The following CDK6 variants were observed in gnomAD, a reference collection of about 807,000 sequenced individuals.
CDK6 encodes cyclin-dependent kinase 6.
A neutral mutation model predicts 37.1 loss-of-function variants in CDK6; 6 were observed. That is an observed-to-expected ratio of 0.16 (90% confidence interval 0.09 to 0.32). The LOEUF is 0.32. Ranked by LOEUF, CDK6 falls within the 10% of genes least tolerant of loss-of-function variation. The pLI is 1.00. For synonymous variants in CDK6, 160 were observed against 161.3 expected (o/e 0.99, Z 0.06); for missense variants, 224 against 418.9 (o/e 0.53, Z 4.06).
At chr7:92,823,160 CAA>C (rs1401429272) in intron 2 of CDK6, among the ~76,000 whole-genome samples, 2 of 151,012 alleles carry the variant, frequency 1.3e-5, no homozygotes, top group East Asian at 3.9e-4. Context: ...TGACTCATCT[CAA>C]AAGTCTAGTT....
intron 2 of CDK6, among the ~76,000 whole-genome samples, chr7:92,808,304 G>T (rs912468491): frequency 6.6e-6 from 1 of 152,190 alleles, no homozygotes; most frequent in Non-Finnish European, 1.5e-5. Flanking sequence ...CCAATTCTCA[G>T]ATTTCTATAG....
intron 5 of CDK6, among the ~76,000 whole-genome samples, chr7:92,639,551 C>T (rs2116531072): frequency 6.6e-6 from 1 of 152,330 alleles, no homozygotes; most frequent in South Asian, 2.1e-4. Flanking sequence ...TCTTAGGCAC[C>T]ACCATGCTGC....
chr7:92,721,706 T>C (rs1798368393), intron 4 of CDK6, among the ~76,000 whole-genome samples: 1 of 152,154 alleles, frequency 6.6e-6, no homozygotes, highest in Non-Finnish European at 1.5e-5. Context: ...AGATAAGTCA[T>C]TCAGCCCGAT....
In CDK6 at chr7:92,667,552, GTT is replaced by G. The variant is rs112532643; in HGVS notation, c.647+3872_647+3873del. On this transcript the variant is annotated intron_variant, in intron 5 of 7. Coordinates refer to ENST00000424848, the MANE Select transcript of CDK6 (RefSeq NM_001145306.2). ...ATCAAAAAGTTAAAAAATTTAAAAA[GTT>G]TTTTTTTTTTTTTGAGACAGGGCCT... 5.4e-3 allele frequency among the ~76,000 whole-genome samples: 760 copies of G among 141,462 alleles called. 11 individuals carry two copies. The highest frequency in any genetic ancestry group is 0.016 in the African/African-American group (635 of 38,542). 92.8% of individuals were successfully genotyped at this position (141,462 alleles called of 152,430 possible). A position where few individuals can be genotyped will look rare whatever the true frequency, so the allele number is the denominator to read the frequency against.
chr7:92,832,963 C>G, intron 2 of CDK6, 128 bp downstream of exon 2: 1 of 667,412 alleles, frequency 1.5e-6, no homozygotes, highest in South Asian at 1.8e-5. Flanking sequence ...CTCTGTAAGA[C>G]CAACAGGTCG....
intron 3 of CDK6, among the ~76,000 whole-genome samples, chr7:92,748,909 A>C (rs868269541): frequency 6.6e-6 from 1 of 152,150 alleles, no homozygotes; most frequent in Admixed American, 6.5e-5. Flanking sequence ...ACATGCCTGA[A>C]ATCCCAACAC....
chr7:92,642,835 G>A (rs896074829), intron 5 of CDK6, among the ~76,000 whole-genome samples: 4 of 151,238 alleles, frequency 2.6e-5, no homozygotes, highest in African/African-American at 4.9e-5. Context: ...TCACTACATC[G>A]CATCGTTTGG....
At chr7:92,632,677 A>G (rs945205800) in intron 5 of CDK6, among the ~76,000 whole-genome samples, 6 of 152,174 alleles carry the variant, frequency 3.9e-5, no homozygotes, top group African/African-American at 1.2e-4. Flanking sequence ...ATGATTCATC[A>G]TGGGTACTGT....
chr7:92,767,934 T>C (rs1342384245), intron 3 of CDK6, among the ~76,000 whole-genome samples: 1 of 152,178 alleles, frequency 6.6e-6, no homozygotes, highest in East Asian at 1.9e-4. Flanking sequence ...AACACCATAG[T>C]TAATATACTA....
chr7:92,663,101 G>A (rs1796874320), intron 5 of CDK6, among the ~76,000 whole-genome samples: 1 of 152,144 alleles, frequency 6.6e-6, no homozygotes, highest in Non-Finnish European at 1.5e-5. Context: ...ATGGGAAGAA[G>A]TAATAAACCA....
At chr7:92,687,665 A>C (rs1307475667) in intron 4 of CDK6, among the ~76,000 whole-genome samples, 1 of 152,182 alleles carries the variant, frequency 6.6e-6, no homozygotes, top group Non-Finnish European at 1.5e-5. Context: ...TAAGGCATTT[A>C]TTTATCTATT....
intron 2 of CDK6, among the ~76,000 whole-genome samples, chr7:92,805,321 T>C (rs1162417171): frequency 1.3e-5 from 2 of 152,126 alleles, no homozygotes; most frequent in African/African-American, 4.8e-5. Context: ...GCTTGTGAGG[T>C]AATTATATGT....
chr7:92,725,905 A>C, intron 3 of CDK6, 112 bp from the exon 4 acceptor site: 1 of 889,964 alleles, frequency 1.1e-6, no homozygotes, highest in Non-Finnish European at 1.7e-6. Context: ...TGCGGCAGGC[A>C]TTTGACAGGT....
At chr7:92,710,919 C>T (rs1275732127) in intron 4 of CDK6, 6 of 939,590 alleles carry the variant, frequency 6.4e-6, no homozygotes, top group East Asian at 1.2e-4. Context: ...ATGCTGGATG[C>T]TTTATTAGAG....
At chr7:92,727,447 AAGT>A (rs2116714213) in intron 3 of CDK6, among the ~76,000 whole-genome samples, 2 of 152,324 alleles carry the variant, frequency 1.3e-5, no homozygotes, top group African/African-American at 4.8e-5. Flanking sequence ...AAAGTGGAGA[AAGT>A]AGCGATTACT....
At position 92,611,932 on chromosome 7, in the gene CDK6, A is replaced by G. The variant is rs954877014; in HGVS notation, c.*3208T>C. ...TGAAATGGCCCCAAGCTTTCTTCCA[A>G]AACAGGTTCTTTGCACCTTGAGTTC... On this transcript the variant is annotated 3_prime_UTR_variant, in exon 8 of 8. Transcript: ENST00000424848. 4.3e-6 allele frequency: 1 copy of G among 232,762 alleles called. No individual in the cohort carries two copies. Among genetic ancestry groups the G allele is most frequent in the African/African-American group, 2.2e-5 (1 of 45,328 alleles). 14.4% of individuals were successfully genotyped at this position (232,762 alleles called of 1,614,324 possible).
chr7:92,697,701 T>C (rs1170969255), intron 4 of CDK6, among the ~76,000 whole-genome samples: 2 of 152,186 alleles, frequency 1.3e-5, no homozygotes, highest in African/African-American at 2.4e-5. Context: ...TACTATTTTA[T>C]TGGGGACTCC....
chr7:92,648,469 A>AC (rs1221590099), intron 5 of CDK6, among the ~76,000 whole-genome samples: 5 of 152,234 alleles, frequency 3.3e-5, no homozygotes, highest in Non-Finnish European at 7.3e-5. Flanking sequence ...GGTTGTATTC[A>AC]CCAGTCTTGA....
At chr7:92,830,944 C>T (rs915670243) in intron 2 of CDK6, among the ~76,000 whole-genome samples, 6 of 152,198 alleles carry the variant, frequency 3.9e-5, no homozygotes, top group African/African-American at 4.8e-5. Flanking sequence ...GAAGCTGCTC[C>T]ATGGCAAGAG....
Sources: gnomAD v4.1 joint callset for allele counts (sites outside exome capture counted in the v4.1 genomes callset) on GRCh38, gnomAD v4.1.1 for gene constraint, MANE v1.5 for transcripts, NCBI Gene and HGNC (gene_info 2026-07-23, HGNC 2026-07-21) for gene names.